The following NLRC3 variants were observed in gnomAD, a reference collection of about 807,000 sequenced individuals.
NLRC3 encodes the protein NLR family CARD domain-containing protein 3.
A neutral mutation model predicts 91.6 loss-of-function variants in NLRC3; 87 were observed. The ratio of observed to expected loss-of-function variants is 0.95; its 90% CI spans 0.80 to 1.14. NLRC3 has a LOEUF of 1.14. NLRC3 is among the 50% of genes most tolerant of loss of function. The pLI is 0.00. For synonymous variants in NLRC3, 694 were observed against 625.3 expected, an observed-to-expected ratio of 1.11 and a Z score of -1.64; for missense variants, 1,577 against 1,418.6, an observed-to-expected ratio of 1.11 and a Z score of -1.79.
chr16:3,549,200 C>A lies in NLRC3; in HGVS notation c.2545G>T (p.Glu849Ter). ...LSLRENSISP[E>*]GAQAIAHALC... ...GCATGAGCGATGGCCTGGGCTCCCT[C>A]GGGACTGATGGAGTTTTCTCGAAGG... Residue 849 changes from glutamate (E) to a stop codon, truncating the protein, a stop_gained, in exon 13 of 20, where the codon GAG (glutamate) becomes TAG (stop). Transcript: ENST00000359128. LOFTEE classifies it high-confidence loss of function. 1 of 1,587,472 alleles carries A rather than the reference C, an allele frequency of 6.3e-7. No individual in the cohort carries two copies. Among genetic ancestry groups the A allele is most frequent in the East Asian group, 2.3e-5 (1 of 43,788 alleles).
Position 3,563,730 on chromosome 16 carries a change from G to C in NLRC3, c.1207C>G (p.Leu403Val), listed in dbSNP as rs934915143. Residue 403 changes from leucine to valine, a missense_variant, in exon 5 of 20, where the codon CTG (leucine) becomes GTG (valine). By Grantham distance (32) the Leu-to-Val change is conservative. Coordinates refer to ENST00000359128, the MANE Select transcript of NLRC3 (RefSeq NM_178844.4). Reference protein sequence around the residue: ...GRKMVGTLGRLAFHGLLKKKY... With the variant: ...GRKMVGTLGRVAFHGLLKKKY... ...TTCTTGAGCAGCCCATGGAAGGCCAGACGGCCCAATGTCCCCACCATCTTG... is the reference window on the plus strand; with the variant it reads ...TTCTTGAGCAGCCCATGGAAGGCCACACGGCCCAATGTCCCCACCATCTTG... 4 of 1,613,402 alleles carry C rather than the reference G, an allele frequency of 2.5e-6. No individual in the cohort carries two copies. The African/African-American group carries it at 5.3e-5, about 22-fold the overall frequency.
Position 3,577,347 on chromosome 16 carries a change from A to C in NLRC3, c.-367T>G. 1.6e-6 allele frequency: 1 copy of C among 611,378 alleles called. No homozygotes were observed. The highest frequency in any genetic ancestry group is 2.7e-5 in the Admixed American group (1 of 36,782). 37.9% of individuals were successfully genotyped at this position (611,378 alleles called of 1,614,324 possible). Reference sequence around the variant, plus strand: ...AACCAACCGTGTGGGGGCCGAGAGCAGTGCAGCCCCGACCTTCTGCAGCCC... The same window carrying C: ...AACCAACCGTGTGGGGGCCGAGAGCCGTGCAGCCCCGACCTTCTGCAGCCC... On this transcript the variant is annotated 5_prime_UTR_variant, in exon 1 of 20. Transcript: ENST00000359128.
intron 17 of NLRC3, chr16:3,543,206 G>T: frequency 1.8e-6 from 1 of 546,488 alleles, no homozygotes. Flanking sequence ...GCCTCTAGAC[G>T]TGTTCAGCCT....
At chr16:3,576,881 G>A (rs1449210899) in intron 1 of NLRC3, among the ~76,000 whole-genome samples, 1 of 152,114 alleles carries the variant, frequency 6.6e-6, no homozygotes, top group Admixed American at 6.6e-5. Flanking sequence ...TGTTGGCCAG[G>A]CTAGTCTCAA....
intron 16 of NLRC3, chr16:3,543,969 T>G: frequency 2.5e-6 from 1 of 404,698 alleles, no homozygotes; most frequent in Non-Finnish European, 4.5e-6. Flanking sequence ...GCCTGGCCAA[T>G]ATGGTGAAAC....
rs1488831318 is a variant in NLRC3 at position 3,539,582 on chromosome 16, CTG to C, written c.*2241_*2242del. ...TCTCCAGTGTTTGGCTACTGCAACT[CTG>C]TGTTCTGCCAGTCTCTTAACTCAGA... On this transcript the variant is annotated 3_prime_UTR_variant, in exon 20 of 20. Transcript: ENST00000359128. The C allele has an allele frequency of 7.9e-5, 12 of 152,222 alleles. No homozygotes were observed. Among genetic ancestry groups the C allele is most frequent in the Admixed American group, 7.9e-4 (12 of 15,278 alleles). 9.4% of individuals were successfully genotyped at this position (152,222 alleles called of 1,614,324 possible).
chr16:3,552,085 T>C (rs1401034905), intron 10 of NLRC3, 111 bp downstream of exon 10: 5 of 697,780 alleles, frequency 7.2e-6, no homozygotes, highest in South Asian at 1.7e-5. Flanking sequence ...ATCCATCCAT[T>C]CACCTATCCA....
rs759686186 is a variant in NLRC3, at chr16:3,564,282, C to G, written c.655G>C (p.Asp219His). 6.2e-7 allele frequency: 1 copy of G among 1,612,124 alleles called. No individual in the cohort carries two copies. The highest frequency in any genetic ancestry group is 2.2e-5 in the East Asian group (1 of 44,850). Residue 219 changes from aspartate to histidine, a missense_variant, in exon 5 of 20, where the codon GAC becomes CAC. Coordinates refer to ENST00000359128, the MANE Select transcript of NLRC3 (RefSeq NM_178844.4). The surrounding 1 kb of genome is among the most constrained non-coding windows in gnomAD (Gnocchi z 5.9). Reference protein sequence around the residue: ...AVPARALLILDGLDECRTPLD... With the variant: ...AVPARALLILHGLDECRTPLD... The stretch of plus-strand genomic sequence containing the variant: ...GGCGTCCTGCACTCATCCAAGCCGT[C>G]CAGGATCAGGAGGGCCCTGGCTGGG...
At chr16:3,562,938 G>A in intron 5 of NLRC3, 71 bp downstream of exon 5, 1 of 1,339,076 alleles carries the variant, frequency 7.5e-7, no homozygotes, top group African/African-American at 1.4e-5. Context: ...AAGCTTGGTG[G>A]TGGGGAGGGG....
intron 5 of NLRC3, among the ~76,000 whole-genome samples, chr16:3,562,171 C>G (rs2039643470): frequency 6.6e-6 from 1 of 152,116 alleles, no homozygotes; most frequent in African/African-American, 2.4e-5. Context: ...CTGGATGGTT[C>G]TGAGGGGGTT....
intron 1 of NLRC3, among the ~76,000 whole-genome samples, chr16:3,573,412 G>A (rs1277498938): frequency 6.6e-6 from 1 of 152,228 alleles, no homozygotes; most frequent in Non-Finnish European, 1.5e-5. Context: ...GAGTGATAGA[G>A]CAAGACCCTG....
chr16:3,557,570 C>G, intron 7 of NLRC3, 23 bp downstream of exon 7: 1 of 1,527,776 alleles, frequency 6.5e-7, no homozygotes, highest in Admixed American at 1.7e-5. Flanking sequence ...GGCAAAAGTT[C>G]GGCCTTGGTT....
intron 12 of NLRC3, 45 bp from the exon 13 acceptor site, chr16:3,549,270 G>A: frequency 1.4e-6 from 2 of 1,420,376 alleles, no homozygotes; most frequent in Non-Finnish European, 1.9e-6. Context: ...GGCAGATGAG[G>A]TGTCTGGCAA....
rs746423955 is a variant in NLRC3, at chr16:3,561,765, T to C, written c.1952A>G (p.Asp651Gly). ...KLRLDTNQFQDPVMELLGSVL... is the reference protein window; with the variant it reads ...KLRLDTNQFQGPVMELLGSVL... The stretch of plus-strand genomic sequence containing the variant: ...GCTGCCCAGCAGCTCCATCACGGGG[T>C]CCTGGAACTGGTTGGTGTCCAGCCT... The change falls in exon 6 of 20, where the codon GAC becomes GGC. Residue 651 changes from aspartate (D) to glycine (G), a missense_variant. Physicochemically the swap from Asp to Gly is moderately conservative, Grantham distance 94. Coordinates refer to ENST00000359128, the MANE Select transcript of NLRC3 (RefSeq NM_178844.4). 6.2e-7 allele frequency: 1 copy of C among 1,613,326 alleles called. No homozygotes were observed. Among genetic ancestry groups the C allele is most frequent in the African/African-American group, 1.3e-5 (1 of 74,898 alleles).
At chr16:3,565,454 A>T in intron 2 of NLRC3, 74 bp from the exon 3 acceptor site, 1 of 194,090 alleles carries the variant, frequency 5.2e-6, no homozygotes. Context: ...CTCTGTTGGA[A>T]CATGTGGGAA....
chr16:3,560,518 C>T (rs999454520), intron 6 of NLRC3, among the ~76,000 whole-genome samples: 1 of 152,038 alleles, frequency 6.6e-6, no homozygotes, highest in Non-Finnish European at 1.5e-5. Flanking sequence ...TCAGTCACAT[C>T]GATTCAACCA....
chr16:3,569,872 G>A (rs1050283338), intron 1 of NLRC3, among the ~76,000 whole-genome samples: 2 of 152,052 alleles, frequency 1.3e-5, no homozygotes, highest in Non-Finnish European at 2.9e-5. Flanking sequence ...TTTCTTCTCC[G>A]ATAGAGAAAG....
intron 1 of NLRC3, among the ~76,000 whole-genome samples, chr16:3,569,509 C>T (rs537558105): frequency 8.2e-5 from 12 of 146,426 alleles, no homozygotes; most frequent in African/African-American, 3.1e-4. Flanking sequence ...AGTGATTCTC[C>T]TGCCTTAGCC....
At chr16:3,575,147 G>A (rs1297819636) in intron 1 of NLRC3, among the ~76,000 whole-genome samples, 1 of 152,262 alleles carries the variant, frequency 6.6e-6, no homozygotes, top group Non-Finnish European at 1.5e-5. Flanking sequence ...CCATTCAGAC[G>A]AAACGTGGCT....
Sources: gnomAD v4.1 joint callset for allele counts (sites outside exome capture counted in the v4.1 genomes callset) on GRCh38, gnomAD v4.1.1 for gene constraint, Gnocchi (gnomAD v3.1) non-coding constraint, MANE v1.5 for transcripts, NCBI Gene and HGNC (gene_info 2026-07-23, HGNC 2026-07-21) for gene names.